The following GRM8 variants were observed in gnomAD, a reference collection of about 807,000 sequenced individuals.
GRM8 encodes metabotropic glutamate receptor 8.
A neutral mutation model predicts 87.2 loss-of-function variants in GRM8; 47 were observed. The ratio of observed to expected loss-of-function variants is 0.54; its 90% CI spans 0.43 to 0.69. The LOEUF (loss-of-function observed/expected upper bound fraction) is 0.69. Ranked by LOEUF, GRM8 falls within the 30% of genes least tolerant of loss-of-function variation. The probability of loss-of-function intolerance (pLI) is 0.00; values close to 1 mark genes in which losing one functional copy is unlikely to be tolerated. For missense variants in GRM8, 1,019 were observed against 1,139.2 expected (o/e 0.89, Z 1.52); for synonymous variants, 396 against 404.5 (o/e 0.98, Z 0.25).
chr7:126,994,429 G>C (rs373499240), intron 3 of GRM8, among the ~76,000 whole-genome samples: 1 of 152,258 alleles, frequency 6.6e-6, no homozygotes, highest in East Asian at 1.9e-4. Flanking sequence ...AGCACCAAGT[G>C]GGCTCTTAGG....
At chr7:126,439,948 T>C (rs943465355) in intron 10 of GRM8, among the ~76,000 whole-genome samples, 8 of 151,878 alleles carry the variant, frequency 5.3e-5, no homozygotes, top group Non-Finnish European at 8.8e-5. Context: ...AAAGAAAATA[T>C]TTTTTATAGC....
At chr7:127,111,154 C>A (rs1826308401) in intron 2 of GRM8, 1 of 152,138 alleles carries the variant, frequency 6.6e-6, no homozygotes, top group East Asian at 1.9e-4. Flanking sequence ...CAGTTCTTAG[C>A]AGATAGTCAT....
At position 127,146,123 on chromosome 7, in the gene GRM8, G is replaced by A. The variant is rs188783149; in HGVS notation, c.511-39411C>T. Among the ~76,000 whole-genome samples the A allele has an allele frequency of 5.3e-5, 8 of 152,074 alleles. No individual in the cohort carries two copies. The East Asian group carries it at 1.4e-3, about 26-fold the overall frequency. Reference sequence around the variant, plus strand: ...AGGAGACAAATACTCTGTGTATTTAGTAAGTCAGATTTGAAGTTTAAAAAG... The same window carrying A: ...AGGAGACAAATACTCTGTGTATTTAATAAGTCAGATTTGAAGTTTAAAAAG... On this transcript the variant is annotated intron_variant, in intron 2 of 10. Coordinates refer to ENST00000339582, the MANE Select transcript of GRM8 (RefSeq NM_000845.3).
intron 3 of GRM8, among the ~76,000 whole-genome samples, chr7:126,999,666 T>C (rs1001047685): frequency 6.6e-6 from 1 of 151,684 alleles, no homozygotes; most frequent in Non-Finnish European, 1.5e-5. Flanking sequence ...CAGAGAAATG[T>C]AAATCAAAAC....
intron 7 of GRM8, among the ~76,000 whole-genome samples, chr7:126,690,640 G>T (rs1808703706): frequency 6.6e-6 from 1 of 152,174 alleles, no homozygotes; most frequent in Non-Finnish European, 1.5e-5. Flanking sequence ...GTGTGTTACA[G>T]CTCTTTCAGC....
chr7:126,992,815 GTGTGTGTGTGTGTA>G (rs1409100404), intron 3 of GRM8, among the ~76,000 whole-genome samples: 1 of 150,842 alleles, frequency 6.6e-6, no homozygotes, highest in East Asian at 1.9e-4. Context: ...CCGTGTGTGT[GTGTGTGTGTGTGTA>G]TGTGTGTGTG....
chr7:127,087,103 T>C (rs1823587810), intron 3 of GRM8, among the ~76,000 whole-genome samples: 1 of 152,196 alleles, frequency 6.6e-6, no homozygotes, highest in Non-Finnish European at 1.5e-5. Flanking sequence ...CTTCCTTAAC[T>C]GTGACAGGAC....
chr7:126,502,837 A>G (rs982938884), intron 9 of GRM8, among the ~76,000 whole-genome samples: 4 of 152,062 alleles, frequency 2.6e-5, no homozygotes, highest in African/African-American at 9.7e-5. Context: ...CATAATTATT[A>G]AACATGATCC....
chr7:126,608,668 A>AGAGGCAATATAAACACAGAGTAT (rs1416679301), intron 8 of GRM8, among the ~76,000 whole-genome samples: 1 of 152,170 alleles, frequency 6.6e-6, no homozygotes. Context: ...TGCAACTGAA[A>AGAGGCAATATAAACACAGAGTAT]GAGGCAATAT....
At chr7:126,961,499 G>A (rs1809315853) in intron 3 of GRM8, among the ~76,000 whole-genome samples, 1 of 152,166 alleles carries the variant, frequency 6.6e-6, no homozygotes, top group Non-Finnish European at 1.5e-5. Context: ...CATGGGGCCT[G>A]TAAACTATGG....
At chr7:127,176,398 G>T (rs17866254) in intron 2 of GRM8, among the ~76,000 whole-genome samples, 29 of 152,254 alleles carry the variant, frequency 1.9e-4, no homozygotes, top group African/African-American at 7.0e-4. Context: ...TGTCAGAGTA[G>T]ATTGAAAAAA....
At chr7:126,515,471 G>C (rs573677870) in intron 9 of GRM8, among the ~76,000 whole-genome samples, 34 of 152,140 alleles carry the variant, frequency 2.2e-4, no homozygotes, top group Non-Finnish European at 3.8e-4. Context: ...TCCTATTGCT[G>C]TTATAACAAA....
chr7:126,682,695 A>C (rs1420783109), intron 7 of GRM8, among the ~76,000 whole-genome samples: 3 of 152,222 alleles, frequency 2.0e-5, no homozygotes, highest in African/African-American at 7.2e-5. Flanking sequence ...AAAGTTCAGT[A>C]GTTGCAACTG....
chr7:126,464,300 G>A (rs1299863145), intron 9 of GRM8, among the ~76,000 whole-genome samples: 3 of 151,622 alleles, frequency 2.0e-5, no homozygotes, highest in Admixed American at 2.0e-4. Flanking sequence ...AATTTGCATG[G>A]AATGTATTTT....
intron 3 of GRM8, among the ~76,000 whole-genome samples, chr7:127,089,476 C>T (rs1435795850): frequency 6.6e-6 from 1 of 152,180 alleles, no homozygotes; most frequent in Non-Finnish European, 1.5e-5. Context: ...TGGCAGTATG[C>T]AAGCCTACAG....
rs140353914 is a variant in GRM8, at chr7:126,537,664, C to T, written c.1495-3777G>A. On this transcript the variant is annotated intron_variant, in intron 8 of 10. Coordinates refer to ENST00000339582, the MANE Select transcript of GRM8 (RefSeq NM_000845.3). ...TGGTGGCAGGTGCCTGTAGTCCTAG[C>T]TACTTGGGAGGCTGAGGCAGGAGAA... Among the ~76,000 whole-genome samples the T allele has an allele frequency of 9.7e-3, 1,474 of 152,096 alleles. 20 individuals are homozygous for T. Among genetic ancestry groups the T allele is most frequent in the African/African-American group, 0.033 (1,381 of 41,506 alleles).
intron 7 of GRM8, among the ~76,000 whole-genome samples, chr7:126,652,629 C>T (rs1804036228): frequency 6.6e-6 from 1 of 152,188 alleles, no homozygotes; most frequent in Admixed American, 6.5e-5. Context: ...TCCAATCCTA[C>T]ATCTTTCTCC....
chr7:126,795,296 C>G (rs1367663411), intron 6 of GRM8, among the ~76,000 whole-genome samples: 1 of 152,068 alleles, frequency 6.6e-6, no homozygotes, highest in Non-Finnish European at 1.5e-5. Flanking sequence ...AGCTCAGAAG[C>G]AAAGTGAAGT....
chr7:126,940,746 T>C (rs1354216275), intron 3 of GRM8, among the ~76,000 whole-genome samples: 1 of 152,220 alleles, frequency 6.6e-6, no homozygotes, highest in African/African-American at 2.4e-5. Context: ...ATGATTGTCA[T>C]TTGGGGTCAA....
Sources: gnomAD v4.1 joint callset for allele counts (sites outside exome capture counted in the v4.1 genomes callset) on GRCh38, gnomAD v4.1.1 for gene constraint, MANE v1.5 for transcripts, NCBI Gene and HGNC (gene_info 2026-07-23, HGNC 2026-07-21) for gene names.